The following KICS2 variants were observed in gnomAD, a reference collection of about 807,000 sequenced individuals.
KICS2 encodes KICSTOR complex protein C12orf66.
KICS2 carries 13 observed loss-of-function variants against 31.4 expected under a neutral mutation model. That is an observed-to-expected ratio of 0.41 (90% CI 0.27 to 0.66). The LOEUF is 0.66. KICS2 is among the 30% of genes least tolerant of loss of function. The pLI is 0.28. For synonymous variants in KICS2, 209 were observed against 214.8 expected, an observed-to-expected ratio of 0.97 and a Z score of 0.24; for missense variants, 455 against 545.4, an observed-to-expected ratio of 0.83 and a Z score of 1.65.
At position 64,221,669 on chromosome 12, in the gene KICS2, G is replaced by C. The variant is rs924998366; in HGVS notation, c.235+334C>G. On this transcript the variant is annotated intron_variant, in intron 1 of 2. Transcript: ENST00000398055. ...GCAAAGTTTTGCTCTTCTGGCTGCA[G>C]CGTCACTAATTAAAACAATGAAGAC... 3 of 388,178 alleles carry C rather than the reference G, an allele frequency of 7.7e-6. No individual in the cohort carries two copies. In the East Asian group the frequency reaches 1.5e-4, roughly 20 times the overall value. The allele number at this position is 388,178 out of a possible 1,614,324, so 24.0% of individuals were successfully genotyped here. A position where few individuals can be genotyped will look rare whatever the true frequency, so the allele number is the denominator to read the frequency against.
chr12:64,212,826 A>C (rs906014949), intron 2 of KICS2, among the ~76,000 whole-genome samples: 2 of 152,056 alleles, frequency 1.3e-5, no homozygotes, highest in South Asian at 4.1e-4. Context: ...ACAGTAGCTC[A>C]CTCCTGTAAT....
intron 2 of KICS2, among the ~76,000 whole-genome samples, chr12:64,196,192 A>G (rs1372890139): frequency 1.1e-4 from 16 of 151,798 alleles, no homozygotes; most frequent in East Asian, 1.9e-4. Flanking sequence ...GCAGACTTAA[A>G]TGTCCCTGTC....
Position 64,192,928 on chromosome 12 carries a change from T to C in KICS2, c.*914A>G, listed in dbSNP as rs990377357. On this transcript the variant is annotated 3_prime_UTR_variant, in exon 3 of 3. Transcript: ENST00000398055. ...AGTACAGCGTATGAAGACCTTCATTTTGATTTTATAAAAGTAGGCTATGTT... is the reference window on the plus strand; with the variant it reads ...AGTACAGCGTATGAAGACCTTCATTCTGATTTTATAAAAGTAGGCTATGTT... 88 of 985,366 alleles carry C rather than the reference T, an allele frequency of 8.9e-5. No homozygotes were observed. The highest frequency in any genetic ancestry group is 1.0e-4 in the Non-Finnish European group (87 of 829,956). 61.0% of individuals were successfully genotyped at this position (985,366 alleles called of 1,614,324 possible).
At chr12:64,220,941 T>C (rs2037675839) in intron 1 of KICS2, among the ~76,000 whole-genome samples, 1 of 152,120 alleles carries the variant, frequency 6.6e-6, no homozygotes, top group Admixed American at 6.5e-5. Flanking sequence ...ATCTGACCAG[T>C]TTTTGCTAAT....
In KICS2 at chr12:64,194,227, T is replaced by C. The variant is rs771244392; in HGVS notation, c.953A>G (p.Asp318Gly). 2 of 1,614,136 alleles carry C rather than the reference T, an allele frequency of 1.2e-6. No individual in the cohort carries two copies. Among genetic ancestry groups the C allele is most frequent in the East Asian group, 2.2e-5 (1 of 44,878 alleles). ...CTGAAAACTCTCAGAACCTCTGTTG[T>C]CAAAAATTAAGGACACATTGGCAGC... ...YDAANVSLIF[D>G]NRGSESFQGH... Residue 318 changes from aspartate (D) to glycine (G), a missense_variant, in exon 3 of 3, where the codon GAC (aspartate) becomes GGC (glycine). By Grantham distance (94) the Asp-to-Gly change is moderately conservative. Transcript: ENST00000398055.
chr12:64,221,861 A>C, intron 1 of KICS2, 142 bp downstream of exon 1: 1 of 934,296 alleles, frequency 1.1e-6, no homozygotes, highest in South Asian at 1.7e-5. Context: ...AAGGAAAGGA[A>C]CGGTGGGAGG....
chr12:64,195,697 A>C (rs571897393), intron 2 of KICS2, among the ~76,000 whole-genome samples: 28 of 152,376 alleles, frequency 1.8e-4, no homozygotes, highest in African/African-American at 3.6e-4. Flanking sequence ...TACCGGGTTC[A>C]TCTCACTAGG....
chr12:64,204,246 G>C (rs1019354485), intron 2 of KICS2, among the ~76,000 whole-genome samples: 7 of 152,178 alleles, frequency 4.6e-5, no homozygotes, highest in African/African-American at 1.7e-4. Flanking sequence ...AGGGAAAAGA[G>C]TTAATGCATG....
intron 2 of KICS2, among the ~76,000 whole-genome samples, chr12:64,204,180 G>A (rs1464325342): frequency 6.6e-6 from 1 of 152,018 alleles, no homozygotes; most frequent in Non-Finnish European, 1.5e-5. Context: ...CACAGGGACG[G>A]GAACAACACA....
chr12:64,219,993 T>A (rs2037664715), intron 1 of KICS2, among the ~76,000 whole-genome samples: 1 of 152,204 alleles, frequency 6.6e-6, no homozygotes, highest in South Asian at 2.1e-4. Flanking sequence ...AGTCGTATTG[T>A]AAGCACACTG....
At chr12:64,214,990 GAAT>G (rs1449338314) in intron 2 of KICS2, among the ~76,000 whole-genome samples, 1 of 151,906 alleles carries the variant, frequency 6.6e-6, no homozygotes, top group African/African-American at 2.4e-5. Context: ...ATATTTATTT[GAAT>G]AATAATTTGT....
At position 64,193,170 on chromosome 12, in the gene KICS2, C is replaced by A; in HGVS notation, c.*672G>T. The A allele has an allele frequency of 1.0e-6, 1 of 985,380 alleles. No individual in the cohort carries two copies. 61.0% of individuals were successfully genotyped at this position (985,380 alleles called of 1,614,324 possible). On this transcript the variant is annotated 3_prime_UTR_variant, in exon 3 of 3. Transcript: ENST00000398055. Reference sequence around the variant, plus strand: ...AACATTAAAGAAGTCAAAACAAATGCAGTTAGGTGTGTACATTACCCCAAA... The same window carrying A: ...AACATTAAAGAAGTCAAAACAAATGAAGTTAGGTGTGTACATTACCCCAAA...
Position 64,193,584 on chromosome 12 carries a change from T to A in KICS2, c.*258A>T. 3 of 1,205,520 alleles carry A rather than the reference T, an allele frequency of 2.5e-6. No homozygotes were observed. Among genetic ancestry groups the A allele is most frequent in the East Asian group, 3.8e-5 (1 of 26,448 alleles). 74.7% of individuals were successfully genotyped at this position (1,205,520 alleles called of 1,614,324 possible). ...TCAATCTACAAGAAATATAGCAAAATAGGGGAAAATACTGAAACTACTTTG... is the reference window on the plus strand; with the variant it reads ...TCAATCTACAAGAAATATAGCAAAAAAGGGGAAAATACTGAAACTACTTTG... On this transcript the variant is annotated 3_prime_UTR_variant, in exon 3 of 3. Coordinates refer to ENST00000398055, the MANE Select transcript of KICS2 (RefSeq NM_152440.5).
Position 64,222,257 on chromosome 12 carries a change from G to T in KICS2, c.-20C>A. The T allele has an allele frequency of 1.9e-6, 3 of 1,611,306 alleles. No individual in the cohort carries two copies. The highest frequency in any genetic ancestry group is 1.1e-5 in the South Asian group (1 of 90,632). On this transcript the variant is annotated 5_prime_UTR_variant, in exon 1 of 3. Coordinates refer to ENST00000398055, the MANE Select transcript of KICS2 (RefSeq NM_152440.5). ...CCCCATGCGAGCTGCGCCCCAGCTC[G>T]ACCCACGTGGCTCTCCTCGGCCTCG...
intron 2 of KICS2, among the ~76,000 whole-genome samples, chr12:64,211,262 T>G (rs1295338616): frequency 3.9e-5 from 6 of 152,136 alleles, no homozygotes; most frequent in Non-Finnish European, 8.8e-5. Context: ...AATTTTTAAA[T>G]GTTTAAAAAA....
chr12:64,202,907 C>A (rs2037504071), intron 2 of KICS2, among the ~76,000 whole-genome samples: 1 of 152,016 alleles, frequency 6.6e-6, no homozygotes, highest in Non-Finnish European at 1.5e-5. Context: ...GACCCATTTT[C>A]ACCAATACTG....
intron 2 of KICS2, among the ~76,000 whole-genome samples, chr12:64,209,622 A>T (rs150618160): frequency 6.6e-6 from 1 of 152,232 alleles, no homozygotes; most frequent in Admixed American, 6.5e-5. Context: ...CCAAAAAGGA[A>T]GCCTTTTTTA....
chr12:64,187,754 A>G, downstream of KICS2: 6 of 917,582 alleles, frequency 6.5e-6, no homozygotes, highest in Non-Finnish European at 9.6e-6. Context: ...TAGGAGAAAA[A>G]AAATCTAGTT....
At chr12:64,221,260 G>A (rs2037680388) in intron 1 of KICS2, among the ~76,000 whole-genome samples, 4 of 152,038 alleles carry the variant, frequency 2.6e-5, no homozygotes, top group Admixed American at 2.0e-4. Context: ...AAACCCCTAG[G>A]ATTCAAATAT....
Sources: allele counts gnomAD v4.1 joint callset (sites outside exome capture counted in the v4.1 genomes callset), GRCh38; gene constraint gnomAD v4.1.1; transcripts MANE v1.5; gene names NCBI Gene and HGNC (gene_info 2026-07-23, HGNC 2026-07-21).